The following SEL1L2 variants were observed in gnomAD, a reference collection of about 807,000 sequenced individuals.
SEL1L2 encodes the protein SEL1L2 adaptor subunit of SYVN1 ubiquitin ligase, also known as protein sel-1 homolog 2.
Under a neutral mutation model 98.8 loss-of-function variants are expected in SEL1L2, and 89 were observed. The observed-to-expected ratio is 0.90, with a 90% CI of 0.76 to 1.07. The LOEUF is 1.07. Ranked by LOEUF, SEL1L2 falls within the 50% of genes least tolerant of loss-of-function variation. SEL1L2 has a pLI of 0.00. For synonymous variants in SEL1L2, 262 were observed against 278.5 expected (o/e 0.94, Z 0.59); for missense variants, 788 against 812.0 (o/e 0.97, Z 0.36).
chr20:13,890,025 G>A lies in SEL1L2; in HGVS notation c.550-1513C>T, dbSNP rs150606745. Among the ~76,000 whole-genome samples, 7 of 152,282 alleles carry A rather than the reference G, an allele frequency of 4.6e-5. No homozygotes were observed. In the East Asian group the frequency reaches 1.4e-3, roughly 29 times the overall value. The stretch of plus-strand genomic sequence containing the variant: ...GCCTTTTTGAGAACTCCAGAAACCA[G>A]TTAAGAAGTCATAGGACAGCAGGCA... On this transcript the variant is annotated intron_variant, in intron 5 of 19. Coordinates refer to ENST00000284951, the MANE Select transcript of SEL1L2 (RefSeq NM_025229.2).
intron 1 of SEL1L2, among the ~76,000 whole-genome samples, chr20:13,967,800 G>A (rs2051118249): frequency 6.6e-6 from 1 of 152,140 alleles, no homozygotes; most frequent in Non-Finnish European, 1.5e-5. Flanking sequence ...GTTCCCTAGA[G>A]AGCCATCTCA....
intron 10 of SEL1L2, among the ~76,000 whole-genome samples, chr20:13,881,894 T>C (rs1272719278): frequency 1.3e-5 from 2 of 152,190 alleles, no homozygotes; most frequent in Non-Finnish European, 2.9e-5. Context: ...AGATATTGTA[T>C]ATTTCAAAAT....
At chr20:13,919,610 G>A (rs2048562737) in intron 3 of SEL1L2, among the ~76,000 whole-genome samples, 1 of 152,160 alleles carries the variant, frequency 6.6e-6, no homozygotes, top group Non-Finnish European at 1.5e-5. Context: ...TAGGAGAGGA[G>A]GAGGGAATTG....
intron 17 of SEL1L2, among the ~76,000 whole-genome samples, 177 bp from the exon 18 acceptor site, chr20:13,859,611 G>A (rs1240548938): frequency 1.3e-5 from 2 of 152,170 alleles, no homozygotes; most frequent in Admixed American, 6.5e-5. Flanking sequence ...TATACTTTAT[G>A]GAATACAAAT....
At chr20:13,905,981 T>G (rs1377427423) in intron 5 of SEL1L2, among the ~76,000 whole-genome samples, 1 of 151,692 alleles carries the variant, frequency 6.6e-6, no homozygotes, top group Non-Finnish European at 1.5e-5. Flanking sequence ...TTCAAGCGAT[T>G]CTCCTGCCTC....
intron 11 of SEL1L2, among the ~76,000 whole-genome samples, chr20:13,876,406 CTTTTT>C (rs11087067): frequency 1.6e-4 from 16 of 101,926 alleles, no homozygotes; most frequent in African/African-American, 4.9e-4. Context: ...CTCTCTCTCT[CTTTTT>C]TTTTTTTTTT....
chr20:13,934,581 G>C (rs1250751536), intron 2 of SEL1L2, among the ~76,000 whole-genome samples: 1 of 144,838 alleles, frequency 6.9e-6, no homozygotes, highest in African/African-American at 2.6e-5. Flanking sequence ...AAGCCTGTGT[G>C]CAAGTATCTT....
At chr20:13,902,664 C>T (rs11699869) in intron 5 of SEL1L2, among the ~76,000 whole-genome samples, 10,125 of 152,222 alleles carry the variant, frequency 0.067, 411 homozygotes, top group Non-Finnish European at 0.096. Flanking sequence ...TTATTCTCCA[C>T]ACCTGGAATT....
intron 3 of SEL1L2, among the ~76,000 whole-genome samples, chr20:13,919,935 A>G (rs1351619654): frequency 6.7e-6 from 1 of 149,478 alleles, no homozygotes; most frequent in Non-Finnish European, 1.5e-5. Context: ...AAAAAAAAAA[A>G]AAAATGTTAT....
At chr20:13,863,932 T>G (rs1183752825) in intron 17 of SEL1L2, among the ~76,000 whole-genome samples, 1 of 145,400 alleles carries the variant, frequency 6.9e-6, no homozygotes, top group Non-Finnish European at 1.5e-5. Flanking sequence ...ATTGTGCCAC[T>G]GCACCCCAGC....
intron 18 of SEL1L2, among the ~76,000 whole-genome samples, chr20:13,853,240 C>A (rs1333289269): frequency 1.3e-5 from 2 of 152,042 alleles, no homozygotes; most frequent in Non-Finnish European, 2.9e-5. Context: ...ACCATGTTGC[C>A]CAGGCTGGAG....
intron 2 of SEL1L2, among the ~76,000 whole-genome samples, chr20:13,940,431 AGG>A (rs2049708360): frequency 1.3e-5 from 2 of 152,220 alleles, no homozygotes; most frequent in African/African-American, 4.8e-5. Flanking sequence ...AAGTGGCTGA[AGG>A]AGTGTGAGCC....
intron 3 of SEL1L2, among the ~76,000 whole-genome samples, chr20:13,924,705 G>A (rs993558971): frequency 5.9e-5 from 9 of 152,120 alleles, no homozygotes; most frequent in East Asian, 1.9e-4. Flanking sequence ...GGTTACAGGC[G>A]TTTCATTTTT....
chr20:13,974,715 G>T (rs112016238), intron 1 of SEL1L2, among the ~76,000 whole-genome samples: 1 of 151,938 alleles, frequency 6.6e-6, no homozygotes, highest in Non-Finnish European at 1.5e-5. Flanking sequence ...TGATCTATCC[G>T]CCTCAGCCTC....
intron 1 of SEL1L2, among the ~76,000 whole-genome samples, chr20:13,963,270 G>A (rs1242088862): frequency 6.6e-6 from 1 of 151,498 alleles, no homozygotes; most frequent in Non-Finnish European, 1.5e-5. Context: ...TAACTTCCAC[G>A]GACTATTGTT....
At chr20:13,983,773 G>A (rs1394841260) in intron 1 of SEL1L2, among the ~76,000 whole-genome samples, 1 of 151,984 alleles carries the variant, frequency 6.6e-6, no homozygotes, top group African/African-American at 2.4e-5. Context: ...TGCCCGCCTG[G>A]ACCTCCCAAA....
chr20:13,877,410 T>A, intron 11 of SEL1L2, 110 bp downstream of exon 11: 1 of 787,942 alleles, frequency 1.3e-6, no homozygotes. Context: ...CAATGATCTT[T>A]CCACCTCAAC....
At chr20:13,902,264 G>T (rs1414016838) in intron 5 of SEL1L2, among the ~76,000 whole-genome samples, 1 of 152,114 alleles carries the variant, frequency 6.6e-6, no homozygotes, top group Non-Finnish European at 1.5e-5. Context: ...TGGCAATGAA[G>T]ACATTATAAT....
intron 2 of SEL1L2, among the ~76,000 whole-genome samples, chr20:13,939,057 T>TTTTTTTTTTA: frequency 6.9e-6 from 1 of 144,614 alleles, no homozygotes; most frequent in Non-Finnish European, 1.5e-5. Context: ...TTTTTTTTTT[T>TTTTTTTTTTA]TTCTGAGATG....
Sources: gnomAD v4.1 joint callset for allele counts (sites outside exome capture counted in the v4.1 genomes callset) on GRCh38, gnomAD v4.1.1 for gene constraint, MANE v1.5 for transcripts, NCBI Gene and HGNC (gene_info 2026-07-23, HGNC 2026-07-21) for gene names.